Variants in DCDC2 observed in about 807,000 individuals in gnomAD.
The protein encoded by DCDC2 is doublecortin domain-containing protein 2.
A neutral mutation model predicts 50.2 loss-of-function variants in DCDC2; 40 were observed. That is an observed-to-expected ratio of 0.80 (90% confidence interval 0.62 to 1.04). DCDC2 has a LOEUF of 1.04. Ranked by LOEUF, DCDC2 falls within the 50% of genes least tolerant of loss-of-function variation. DCDC2 has a pLI of 0.00. For synonymous variants in DCDC2, 234 were observed against 210.6 expected, an observed-to-expected ratio of 1.11 and a Z score of -0.96; for missense variants, 570 against 581.9, an observed-to-expected ratio of 0.98 and a Z score of 0.21.
chr6:24,174,766 G>C lies in DCDC2; in HGVS notation c.1395C>G (p.Asn465Lys). The C allele has an allele frequency of 6.2e-7, 1 of 1,613,204 alleles. No individual in the cohort carries two copies. Among genetic ancestry groups the C allele is most frequent in the Non-Finnish European group, 8.5e-7 (1 of 1,179,532 alleles). The change falls in exon 10 of 10, where the codon AAC (asparagine) becomes AAG (lysine). Residue 465 changes from asparagine to lysine, a missense_variant. Asn to Lys is a moderately conservative substitution (Grantham distance 94). Coordinates refer to ENST00000378454, the MANE Select transcript of DCDC2 (RefSeq NM_016356.5). ...CAGCATAGTCCTTGTTTTGTTGGTT[G>C]TTTTCATTTTCTTCTGGACTGGTAA... ...VKITSPEENE[N>K]NQQNKDYAAV...
chr6:24,344,462 T>C (rs1382147483), intron 2 of DCDC2, among the ~76,000 whole-genome samples: 4 of 152,240 alleles, frequency 2.6e-5, no homozygotes, highest in Non-Finnish European at 4.4e-5. Flanking sequence ...TGCTCTAATA[T>C]GCATATCTGC....
At chr6:24,357,248 T>A (rs1264008384) in intron 1 of DCDC2, 4 of 510,640 alleles carry the variant, frequency 7.8e-6, no homozygotes, top group Non-Finnish European at 1.4e-5. Context: ...AGTTTACTCC[T>A]ACTGCTGACC....
intron 6 of DCDC2, among the ~76,000 whole-genome samples, chr6:24,278,972 C>A (rs1221476252): frequency 1.3e-5 from 2 of 152,208 alleles, no homozygotes; most frequent in Non-Finnish European, 2.9e-5. Flanking sequence ...CTTGCCCCTA[C>A]TCCCACAAGG....
At chr6:24,259,679 G>A (rs1211784732) in intron 7 of DCDC2, among the ~76,000 whole-genome samples, 2 of 151,966 alleles carry the variant, frequency 1.3e-5, no homozygotes, top group Non-Finnish European at 2.9e-5. Flanking sequence ...ACTGGTCCTG[G>A]TTTTATTTTC....
At position 24,172,913 on chromosome 6, in the gene DCDC2, G is replaced by T. The variant is rs1456027664; in HGVS notation, c.*1817C>A. On this transcript the variant is annotated 3_prime_UTR_variant, in exon 10 of 10. Transcript: ENST00000378454. ...GGGAGGCTCAGGTGCTTGAACCCAGGAGGCAGAGGTTGCAGTAAGCCAAGA... is the reference window on the plus strand; with the variant it reads ...GGGAGGCTCAGGTGCTTGAACCCAGTAGGCAGAGGTTGCAGTAAGCCAAGA... 1 of 151,752 alleles carries T rather than the reference G, an allele frequency of 6.6e-6. No individual in the cohort carries two copies. Among genetic ancestry groups the T allele is most frequent in the Admixed American group, 6.6e-5 (1 of 15,226 alleles). 9.4% of individuals were successfully genotyped at this position (151,752 alleles called of 1,614,324 possible).
At chr6:24,366,057 A>T in the DCDC2 span, among the ~76,000 whole-genome samples, 1 of 152,164 alleles carries the variant, frequency 6.6e-6, no homozygotes, top group Admixed American at 6.5e-5. Flanking sequence ...ACCTCAGGTG[A>T]TCATCCTGCT....
At chr6:24,230,504 T>C (rs1187410279) in intron 7 of DCDC2, among the ~76,000 whole-genome samples, 2 of 151,762 alleles carry the variant, frequency 1.3e-5, no homozygotes, top group Non-Finnish European at 2.9e-5. Context: ...ATTAGCTGAG[T>C]GTGGTGGCGC....
At chr6:24,186,666 C>G (rs908753484) in intron 8 of DCDC2, among the ~76,000 whole-genome samples, 1 of 152,168 alleles carries the variant, frequency 6.6e-6, no homozygotes, top group Admixed American at 6.5e-5. Context: ...TTTCTCCCCG[C>G]TCTACTCATC....
chr6:24,343,151 C>A (rs1760193370), intron 2 of DCDC2, among the ~76,000 whole-genome samples: 1 of 151,662 alleles, frequency 6.6e-6, no homozygotes, highest in African/African-American at 2.4e-5. Flanking sequence ...GGGTTCACAC[C>A]ATTCTCCTGC....
At chr6:24,359,336 T>TATATATTATATATATTTTATATATATA (rs1760598650), upstream of DCDC2, among the ~76,000 whole-genome samples, 9 of 61,596 alleles carry the variant, frequency 1.5e-4, 1 homozygote, top group Non-Finnish European at 2.1e-4. Context: ...TTATATATAT[T>TATATATTATATATATTTTATATATATA]ATATATTATA....
chr6:24,351,878 G>A (rs1205187788), intron 2 of DCDC2, among the ~76,000 whole-genome samples: 16 of 152,160 alleles, frequency 1.1e-4, no homozygotes, highest in Non-Finnish European at 1.5e-5. Context: ...GGCCAAGGCG[G>A]GCGGATCATG....
chr6:24,297,448 C>T (rs1759276868), intron 4 of DCDC2, among the ~76,000 whole-genome samples: 1 of 151,978 alleles, frequency 6.6e-6, no homozygotes. Flanking sequence ...GCACATGTAC[C>T]CGTGAACCTA....
At chr6:24,217,744 T>C (rs1179587820) in intron 7 of DCDC2, among the ~76,000 whole-genome samples, 1 of 152,168 alleles carries the variant, frequency 6.6e-6, no homozygotes, top group Non-Finnish European at 1.5e-5. Context: ...ATTTAAGGTG[T>C]TTATATTTGC....
chr6:24,341,995 A>C (rs1304646625), intron 2 of DCDC2, among the ~76,000 whole-genome samples: 4 of 152,166 alleles, frequency 2.6e-5, no homozygotes, highest in African/African-American at 4.8e-5. Context: ...TCTACATTAA[A>C]GAGAAATAAA....
intron 8 of DCDC2, among the ~76,000 whole-genome samples, chr6:24,204,611 C>A (rs895253749): frequency 6.6e-6 from 1 of 152,076 alleles, no homozygotes; most frequent in East Asian, 1.9e-4. Flanking sequence ...ACATGTATGC[C>A]AGAACTTAAA....
the DCDC2 span, among the ~76,000 whole-genome samples, chr6:24,380,336 G>C: frequency 1.3e-5 from 2 of 152,068 alleles, no homozygotes; most frequent in Non-Finnish European, 2.9e-5. Context: ...CATATTGTTT[G>C]TTCTAAAAAG....
intron 8 of DCDC2, among the ~76,000 whole-genome samples, chr6:24,189,310 G>A (rs3789221): frequency 0.11 from 16,435 of 152,190 alleles, 1,152 homozygotes; most frequent in East Asian, 0.37. Flanking sequence ...CAGTTACTAA[G>A]GTTAACTCAG....
the DCDC2 span, among the ~76,000 whole-genome samples, chr6:24,375,372 C>T: frequency 1.3e-5 from 2 of 152,166 alleles, no homozygotes; most frequent in South Asian, 4.2e-4. Context: ...CCCAGTGTCA[C>T]ATCTGGGTAA....
At chr6:24,203,492 G>T (rs535304446) in intron 8 of DCDC2, among the ~76,000 whole-genome samples, 44 of 152,252 alleles carry the variant, frequency 2.9e-4, no homozygotes, top group African/African-American at 1.0e-3. Flanking sequence ...AACTTAAGAT[G>T]GATTAAAGAC....
Sources: allele counts gnomAD v4.1 joint callset (sites outside exome capture counted in the v4.1 genomes callset), GRCh38; gene constraint gnomAD v4.1.1; transcripts MANE v1.5; gene names NCBI Gene and HGNC (gene_info 2026-07-23, HGNC 2026-07-21).